The following SLC44A5 variants were observed in gnomAD, a reference collection of about 807,000 sequenced individuals.
SLC44A5 encodes the protein solute carrier family 44 member 5, also known as choline transporter-like protein 5.
In SLC44A5, 57 loss-of-function variants were observed where a neutral mutation model predicts 101.8. That is an observed-to-expected ratio of 0.56 (90% CI 0.45 to 0.70). The LOEUF (loss-of-function observed/expected upper bound fraction) is 0.70. Ranked by LOEUF, SLC44A5 falls within the 30% of genes least tolerant of loss-of-function variation. The pLI is 0.00. For synonymous variants in SLC44A5, 281 were observed against 290.9 expected (o/e 0.97, Z 0.35); for missense variants, 737 against 853.1 (o/e 0.86, Z 1.70).
At chr1:75,535,618 C>T (rs1178243788) in intron 2 of SLC44A5, among the ~76,000 whole-genome samples, 2 of 152,076 alleles carry the variant, frequency 1.3e-5, no homozygotes, top group Non-Finnish European at 1.5e-5. Flanking sequence ...GGCATGGTAC[C>T]TTTAGACAAA....
chr1:75,219,231 T>C lies in SLC44A5; in HGVS notation c.1266+26A>G, dbSNP rs375740594. ...CAGCAGAAGTCTATATTGAAGTAAGTAAATGAAAGAGTTTCTTGTACTTAC... is the reference window on the plus strand; with the variant it reads ...CAGCAGAAGTCTATATTGAAGTAAGCAAATGAAAGAGTTTCTTGTACTTAC... On this transcript the variant is annotated intron_variant, in intron 16 of 23. Coordinates refer to ENST00000370859, the MANE Select transcript of SLC44A5 (RefSeq NM_001130058.2). 31 of 1,455,224 alleles carry C rather than the reference T, an allele frequency of 2.1e-5. No individual in the cohort carries two copies. The East Asian group carries it at 2.7e-4, about 13-fold the overall frequency. The allele number at this position is 1,455,224 out of a possible 1,614,324, so 90.1% of individuals were successfully genotyped here.
chr1:75,640,042 T>C, the SLC44A5 span, among the ~76,000 whole-genome samples: 1 of 152,110 alleles, frequency 6.6e-6, no homozygotes, highest in Non-Finnish European at 1.5e-5. Context: ...GGCCTTTTAC[T>C]TTCCTTAGAA....
rs769799216 is a variant in SLC44A5 at position 75,218,703 on chromosome 1, T to G, written c.1316A>C (p.Asn439Thr). 1.9e-6 allele frequency: 3 copies of G among 1,613,502 alleles called. No homozygotes were observed. ...GCTCTTTCCACCATAGAAAGCAAAG[T>G]TACACAGAGCCCCAGGGCAAGCTTT... ...IAKACPGALC[N>T]FAFYGGKSLY... Residue 439 changes from asparagine to threonine, a missense_variant, in exon 17 of 24, where the codon AAC (asparagine) becomes ACC (threonine). Physicochemically the swap from Asn to Thr is moderately conservative, Grantham distance 65. This residue lies in a region of SLC44A5 where 665 missense variants were observed against 764.4 expected (regional missense o/e 0.87). Transcript: ENST00000370859.
chr1:75,565,605 C>G (rs1217404357), intron 1 of SLC44A5, among the ~76,000 whole-genome samples: 2 of 152,182 alleles, frequency 1.3e-5, no homozygotes, highest in Non-Finnish European at 2.9e-5. Context: ...ATATTTCTTT[C>G]TCCTTCACTC....
chr1:75,364,377 G>C (rs763439709), intron 3 of SLC44A5, among the ~76,000 whole-genome samples: 2 of 152,134 alleles, frequency 1.3e-5, no homozygotes, highest in Admixed American at 1.3e-4. Context: ...GCCAGAGCAA[G>C]AGCAAGAGAG....
At chr1:75,677,781 G>C in the SLC44A5 span, 1 of 427,736 alleles carries the variant, frequency 2.3e-6, no homozygotes, top group Non-Finnish European at 4.6e-6. Flanking sequence ...AATAGGAACA[G>C]CTCCGGTCTA....
At chr1:75,423,426 T>C (rs1339526679) in intron 2 of SLC44A5, among the ~76,000 whole-genome samples, 2 of 152,226 alleles carry the variant, frequency 1.3e-5, no homozygotes, top group Non-Finnish European at 2.9e-5. Context: ...GCTGATATCT[T>C]TAAACTATTG....
At chr1:75,414,439 A>G (rs965400691) in intron 2 of SLC44A5, among the ~76,000 whole-genome samples, 3 of 152,126 alleles carry the variant, frequency 2.0e-5, no homozygotes, top group African/African-American at 7.2e-5. Context: ...TTTACAGAGT[A>G]TCTACATTCT....
At chr1:75,240,814 GAAAGA>G (rs1648559471) in intron 9 of SLC44A5, among the ~76,000 whole-genome samples, 3 of 152,070 alleles carry the variant, frequency 2.0e-5, no homozygotes, top group African/African-American at 7.2e-5. Flanking sequence ...ATAGAAAAAA[GAAAGA>G]AGAGTGAAAT....
At chr1:75,615,889 T>A (rs914114939), upstream of SLC44A5, 1 of 987,352 alleles carries the variant, frequency 1.0e-6, no homozygotes, top group Non-Finnish European at 1.2e-6. Context: ...TTGGCCATCT[T>A]CTGTCCCCTT....
the SLC44A5 span, among the ~76,000 whole-genome samples, chr1:75,666,838 C>T: frequency 6.6e-6 from 1 of 152,166 alleles, no homozygotes; most frequent in South Asian, 2.1e-4. Flanking sequence ...ACAGAAACCA[C>T]ATTATTATCT....
intron 6 of SLC44A5, among the ~76,000 whole-genome samples, chr1:75,258,774 G>A (rs1353421072): frequency 6.6e-6 from 1 of 152,110 alleles, no homozygotes; most frequent in Non-Finnish European, 1.5e-5. Flanking sequence ...TCATACAGGA[G>A]AGCTCTGGCT....
chr1:75,666,724 C>G, the SLC44A5 span, among the ~76,000 whole-genome samples: 1 of 152,116 alleles, frequency 6.6e-6, no homozygotes, highest in Non-Finnish European at 1.5e-5. Flanking sequence ...AGCAGCCCAT[C>G]AAAAATCTTG....
the SLC44A5 span, among the ~76,000 whole-genome samples, chr1:75,627,305 A>G: frequency 6.6e-6 from 1 of 152,116 alleles, no homozygotes; most frequent in Admixed American, 6.6e-5. Flanking sequence ...AGTGGTAAGT[A>G]ATCCTTAACA....
At chr1:75,682,288 C>T in the SLC44A5 span, among the ~76,000 whole-genome samples, 2 of 152,122 alleles carry the variant, frequency 1.3e-5, no homozygotes, top group Admixed American at 1.3e-4. Flanking sequence ...AAAGAGCCCG[C>T]ATTGCCAAGT....
At chr1:75,555,507 A>G (rs902547209) in intron 1 of SLC44A5, among the ~76,000 whole-genome samples, 4 of 152,152 alleles carry the variant, frequency 2.6e-5, no homozygotes, top group Non-Finnish European at 2.9e-5. Flanking sequence ...ATAAGTGGTG[A>G]TGATGGTGAG....
intron 2 of SLC44A5, among the ~76,000 whole-genome samples, chr1:75,400,980 A>G (rs1230241330): frequency 6.6e-6 from 1 of 152,168 alleles, no homozygotes; most frequent in Non-Finnish European, 1.5e-5. Flanking sequence ...ACTGCAATAG[A>G]CAAGGCAACT....
chr1:75,534,009 A>T (rs1241945184), intron 2 of SLC44A5, among the ~76,000 whole-genome samples: 2 of 152,202 alleles, frequency 1.3e-5, no homozygotes, highest in Non-Finnish European at 2.9e-5. Flanking sequence ...AAGTTCAGGG[A>T]TGGAAAATAA....
the SLC44A5 span, among the ~76,000 whole-genome samples, chr1:75,699,478 GC>G: frequency 3.3e-5 from 5 of 151,770 alleles, no homozygotes; most frequent in African/African-American, 1.2e-4. Flanking sequence ...CACCCGGCCT[GC>G]CCTAAAAAAG....
Sources: gnomAD v4.1 joint callset for allele counts (sites outside exome capture counted in the v4.1 genomes callset) on GRCh38, gnomAD v4.1.1 for gene constraint, gnomAD v4.1.1 regional missense constraint, MANE v1.5 for transcripts, NCBI Gene and HGNC (gene_info 2026-07-23, HGNC 2026-07-21) for gene names.